The following NALCN variants were observed in gnomAD, a reference collection of about 807,000 sequenced individuals.
The protein encoded by NALCN is sodium leak channel NALCN.
A neutral mutation model predicts 225.3 loss-of-function variants in NALCN; 111 were observed. The ratio of observed to expected loss-of-function variants is 0.49; its 90% CI spans 0.42 to 0.58. The LOEUF is 0.58. NALCN is among the 20% of genes least tolerant of loss of function. NALCN has a pLI of 0.00. For missense variants in NALCN, 1,378 were observed against 2,202.4 expected (o/e 0.63, Z 7.49); for synonymous variants, 764 against 769.0 (o/e 0.99, Z 0.11).
At chr13:101,360,299 C>T (rs143663519) in intron 6 of NALCN, among the ~76,000 whole-genome samples, 2,881 of 150,328 alleles carry the variant, frequency 0.019, 27 homozygotes, top group Admixed American at 0.029. Context: ...GGCATGATCT[C>T]GGCTCACTGC....
At position 101,103,118 on chromosome 13, in the gene NALCN, C is replaced by T. The variant is rs1454339032; in HGVS notation, c.3057+54G>A. The T allele has an allele frequency of 3.2e-6, 5 of 1,567,790 alleles. No homozygotes were observed. In the African/African-American group the frequency reaches 6.8e-5, roughly 21 times the overall value. ...GCAAGACTCACTTTTCCCTCATTAG[C>T]TGCATTAGAGGTGGACTACTGTGAA... On this transcript the variant is annotated intron_variant, in intron 26 of 43. Coordinates refer to ENST00000251127, the MANE Select transcript of NALCN (RefSeq NM_052867.4).
At chr13:101,385,377 C>G (rs1338048) in intron 3 of NALCN, among the ~76,000 whole-genome samples, 22,886 of 152,060 alleles carry the variant, frequency 0.15, 2,332 homozygotes, top group East Asian at 0.43. Context: ...CAGTTTTGGT[C>G]CTTTTCTTTT....
intron 7 of NALCN, among the ~76,000 whole-genome samples, chr13:101,341,465 T>C (rs568816394): frequency 3.3e-4 from 50 of 152,336 alleles, no homozygotes; most frequent in African/African-American, 1.2e-3. Context: ...TAGCTTTGAT[T>C]TCCAACAATT....
In NALCN at chr13:101,243,771, T is replaced by C. The variant is rs1234171596; in HGVS notation, c.1267-5849A>G. 3.9e-5 allele frequency among the ~76,000 whole-genome samples: 4 copies of C among 103,208 alleles called. 2 individuals are homozygous for C. Among genetic ancestry groups the C allele is most frequent in the Non-Finnish European group, 4.3e-5 (2 of 46,400 alleles). The allele number at this position is 103,208 out of a possible 152,430, so 67.7% of individuals were successfully genotyped here. On this transcript the variant is annotated intron_variant, in intron 11 of 43. Coordinates refer to ENST00000251127, the MANE Select transcript of NALCN (RefSeq NM_052867.4). ...GGAGTAATTCAGTCTCTAGTGAGCT[T>C]CCCTTCCTGGCCCACTGAGACCCAC... is the stretch of plus-strand genomic sequence containing the variant.
chr13:101,181,215 G>A (rs755158751), intron 14 of NALCN: 5 of 518,766 alleles, frequency 9.6e-6, no homozygotes, highest in Non-Finnish European at 1.9e-5. Flanking sequence ...GTGGTGTGGT[G>A]AGGGCCTGGT....
chr13:101,192,022 C>T lies in NALCN; in HGVS notation c.1659G>A (p.Gln553=). Residue 553 remains glutamine (Q), a synonymous_variant, in exon 14 of 44, where the codon CAG becomes CAA. Coordinates refer to ENST00000251127, the MANE Select transcript of NALCN (RefSeq NM_052867.4). ...AFMSMFQILT[Q]EGWVDVMDQT... ...GGTCCATTACGTCCACCCATCCTTC[C>T]TGGGTGAGGATCTGGAACATGGACA... The T allele has an allele frequency of 6.3e-7, 1 of 1,598,308 alleles. No homozygotes were observed. Among genetic ancestry groups the T allele is most frequent in the Non-Finnish European group, 8.5e-7 (1 of 1,175,130 alleles).
At chr13:101,371,427 T>C (rs926068044) in intron 6 of NALCN, among the ~76,000 whole-genome samples, 4 of 152,148 alleles carry the variant, frequency 2.6e-5, no homozygotes, top group African/African-American at 9.7e-5. Flanking sequence ...CAAGTGATCA[T>C]CCCACCTCAG....
chr13:101,103,157 A>C lies in NALCN; in HGVS notation c.3057+15T>G. On this transcript the variant is annotated intron_variant, in intron 26 of 43. Transcript: ENST00000251127. ...GACTACTGTGAACTGGAATCAAAGG[A>C]TAATTCTCACATACCAAAAAAATTT... 6.2e-7 allele frequency: 1 copy of C among 1,610,834 alleles called. No homozygotes were observed. The highest frequency in any genetic ancestry group is 8.5e-7 in the Non-Finnish European group (1 of 1,178,730).
chr13:101,099,246 C>T lies in NALCN; in HGVS notation c.3162+1538G>A, dbSNP rs368834993. Among the ~76,000 whole-genome samples, 536 of 152,050 alleles carry T rather than the reference C, an allele frequency of 3.5e-3. 3 individuals carry two copies. The highest frequency in any genetic ancestry group is 0.012 in the African/African-American group (516 of 41,410). On this transcript the variant is annotated intron_variant, in intron 27 of 43. Coordinates refer to ENST00000251127, the MANE Select transcript of NALCN (RefSeq NM_052867.4). ...ATCAGCTAATTTGATACGGCATGACCGTCAGGCCACATTCCTTGTTCTGTC... is the reference window on the plus strand; with the variant it reads ...ATCAGCTAATTTGATACGGCATGACTGTCAGGCCACATTCCTTGTTCTGTC...
chr13:101,339,588 C>A lies in NALCN; in HGVS notation c.799+5678G>T, dbSNP rs190715018. ...ACTTAGTGCTGGAGCCCCTGCACAT[C>A]ACAGCATGGCTGTGCCTTCTGCTCA... On this transcript the variant is annotated intron_variant, in intron 7 of 43. Coordinates refer to ENST00000251127, the MANE Select transcript of NALCN (RefSeq NM_052867.4). Among the ~76,000 whole-genome samples the A allele has an allele frequency of 5.8e-4, 89 of 152,290 alleles. 1 individual carries two copies. Among genetic ancestry groups the A allele is most frequent in the African/African-American group, 2.1e-3 (86 of 41,570 alleles).
At chr13:101,307,326 G>T (rs111550396) in intron 7 of NALCN, among the ~76,000 whole-genome samples, 326 of 152,220 alleles carry the variant, frequency 2.1e-3, no homozygotes, top group Non-Finnish European at 3.9e-3. Context: ...GACTGTCACA[G>T]ATTACACAGA....
chr13:101,071,635 C>G (rs1181495632), intron 37 of NALCN, among the ~76,000 whole-genome samples: 1 of 152,182 alleles, frequency 6.6e-6, no homozygotes, highest in Non-Finnish European at 1.5e-5. Flanking sequence ...TGTGGCTAGT[C>G]TGATCTTCTA....
intron 15 of NALCN, among the ~76,000 whole-genome samples, chr13:101,174,201 A>G (rs1164954536): frequency 6.6e-6 from 1 of 152,238 alleles, no homozygotes; most frequent in Non-Finnish European, 1.5e-5. Flanking sequence ...CAGTCCAACC[A>G]TGAATAAAGA....
At chr13:101,166,729 T>G (rs1010527596) in intron 15 of NALCN, among the ~76,000 whole-genome samples, 1 of 152,224 alleles carries the variant, frequency 6.6e-6, no homozygotes, top group African/African-American at 2.4e-5. Context: ...CAAGTGTTTT[T>G]AAGTTTAATG....
intron 3 of NALCN, among the ~76,000 whole-genome samples, chr13:101,386,356 T>C (rs2046986229): frequency 6.6e-6 from 1 of 152,198 alleles, no homozygotes; most frequent in South Asian, 2.1e-4. Context: ...CTGTATGTGC[T>C]AAGTCTGTCC....
At chr13:101,280,310 T>C (rs1163425781) in intron 10 of NALCN, among the ~76,000 whole-genome samples, 1 of 152,200 alleles carries the variant, frequency 6.6e-6, no homozygotes, top group Non-Finnish European at 1.5e-5. Flanking sequence ...GTCACATTCA[T>C]AAGATGTCAT....
chr13:101,166,437 G>A (rs548960513), intron 15 of NALCN, among the ~76,000 whole-genome samples: 30 of 151,756 alleles, frequency 2.0e-4, no homozygotes, highest in African/African-American at 6.3e-4. Flanking sequence ...ATTCTAATAG[G>A]TATAAAGTGG....
chr13:101,357,286 C>A (rs901596210), intron 6 of NALCN, among the ~76,000 whole-genome samples: 5 of 152,002 alleles, frequency 3.3e-5, no homozygotes, highest in Admixed American at 3.3e-4. Context: ...TTAGAAAACC[C>A]CATCATCTCA....
At chr13:101,370,435 G>A (rs1254392994) in intron 6 of NALCN, among the ~76,000 whole-genome samples, 1 of 152,212 alleles carries the variant, frequency 6.6e-6, no homozygotes, top group Non-Finnish European at 1.5e-5. Context: ...GCTAATGCCT[G>A]GGTTTTAATG....
Sources: allele counts gnomAD v4.1 joint callset (sites outside exome capture counted in the v4.1 genomes callset), GRCh38; gene constraint gnomAD v4.1.1; transcripts MANE v1.5; gene names NCBI Gene and HGNC (gene_info 2026-07-23, HGNC 2026-07-21).